The following FBXO43 variants were observed in gnomAD, a reference collection of about 807,000 sequenced individuals.
FBXO43 encodes the protein F-box protein 43, also known as F-box only protein 43.
Under a neutral mutation model 56.7 loss-of-function variants are expected in FBXO43, and 22 were observed. That is an observed-to-expected ratio of 0.39 (90% confidence interval 0.28 to 0.55). The LOEUF is 0.55. Among genes scored for constraint, FBXO43 ranks in the 20% least tolerant of loss-of-function variants. The probability of loss-of-function intolerance (pLI) is 0.66; values close to 1 mark genes in which losing one functional copy is unlikely to be tolerated. For synonymous variants in FBXO43, 306 were observed against 294.5 expected (o/e 1.04, Z -0.40); for missense variants, 733 against 814.9 (o/e 0.90, Z 1.22).
chr8:100,146,960 G>C (rs947132253), upstream of FBXO43, among the ~76,000 whole-genome samples: 1 of 152,168 alleles, frequency 6.6e-6, no homozygotes, highest in Non-Finnish European at 1.5e-5. Context: ...CGATTCTCCT[G>C]CCTCAGCCTC....
intron 2 of FBXO43, among the ~76,000 whole-genome samples, chr8:100,140,298 G>A (rs1329346587): frequency 2.0e-5 from 3 of 152,082 alleles, no homozygotes; most frequent in South Asian, 2.1e-4. Flanking sequence ...GTGAAACCCC[G>A]TCTCTACTAA....
At chr8:100,135,546 G>GA (rs1201844413) in intron 3 of FBXO43, among the ~76,000 whole-genome samples, 1 of 151,552 alleles carries the variant, frequency 6.6e-6, no homozygotes, top group Non-Finnish European at 1.5e-5. Flanking sequence ...AGAAAGGGGG[G>GA]AAAAGTACAG....
upstream of FBXO43, among the ~76,000 whole-genome samples, chr8:100,149,648 A>C (rs1814884502): frequency 6.6e-6 from 1 of 152,204 alleles, no homozygotes; most frequent in African/African-American, 2.4e-5. Context: ...GAGATGCAAC[A>C]GAAGGAGTTT....
chr8:100,148,388 A>T (rs1416775220), upstream of FBXO43, among the ~76,000 whole-genome samples: 1 of 152,084 alleles, frequency 6.6e-6, no homozygotes, highest in Non-Finnish European at 1.5e-5. Flanking sequence ...CTGTAATTTC[A>T]TATTCTTTAC....
chr8:100,141,075 C>T lies in FBXO43; in HGVS notation c.1179G>A (p.Gln393=), dbSNP rs1293807952. The T allele has an allele frequency of 6.2e-7, 1 of 1,614,098 alleles. No homozygotes were observed. The highest frequency in any genetic ancestry group is 8.5e-7 in the Non-Finnish European group (1 of 1,180,052). The part of the protein sequence containing the change: ...RLSTLREQSS[Q]SETEEEKQIV... ...TCTGCTTTTCCTCTTCTGTCTCTGA[C>T]TGCGAGCTTTGTTCCCGAAGGGTGG... The change falls in exon 2 of 5, where the codon CAG becomes CAA. Residue 393 remains glutamine (Q), a synonymous_variant. Transcript: ENST00000428847.
intron 3 of FBXO43, among the ~76,000 whole-genome samples, chr8:100,136,121 A>G (rs1814462739): frequency 6.6e-6 from 1 of 152,214 alleles, no homozygotes; most frequent in Non-Finnish European, 1.5e-5. Flanking sequence ...TGAAAAACAG[A>G]TGTTAAGAAG....
Position 100,141,170 on chromosome 8 carries a change from G to T in FBXO43, c.1084C>A (p.His362Asn), listed in dbSNP as rs1227288074. 1 of 1,614,008 alleles carries T rather than the reference G, an allele frequency of 6.2e-7. No homozygotes were observed. Among genetic ancestry groups the T allele is most frequent in the Non-Finnish European group, 8.5e-7 (1 of 1,180,046 alleles). The change falls in exon 2 of 5, where the codon CAT becomes AAT. Residue 362 changes from histidine to asparagine, a missense_variant. Transcript: ENST00000428847. ...EGSFQELLQK[H>N]KGTPKVGDTI... Reference sequence around the variant, plus strand: ...TCCCCAACTTTGGGAGTCCCCTTATGTTTCTGCAGTAGTTCTTGAAAAGAA... The same window carrying T: ...TCCCCAACTTTGGGAGTCCCCTTATTTTTCTGCAGTAGTTCTTGAAAAGAA...
Position 100,141,689 on chromosome 8 carries a change from T to C in FBXO43, c.565A>G (p.Asn189Asp), listed in dbSNP as rs1814658143. Residue 189 changes from asparagine (N) to aspartate (D), a missense_variant, in exon 2 of 5, where the codon AAT becomes GAT. Asn to Asp is a conservative substitution (Grantham distance 23). Coordinates refer to ENST00000428847, the MANE Select transcript of FBXO43 (RefSeq NM_001029860.4). The stretch of plus-strand genomic sequence containing the variant: ...AAACCTGAAGCACTGCTTGGAATAT[T>C]TTTTTCTAAGTTGATAACTTGGCTT... ...SISQVINLEK[N>D]IPSSASGFSR... is the part of the protein sequence containing the mutation. 1.9e-6 allele frequency: 3 copies of C among 1,611,568 alleles called. No homozygotes were observed. Among genetic ancestry groups the C allele is most frequent in the Non-Finnish European group, 2.5e-6 (3 of 1,178,086 alleles).
At chr8:100,144,432 C>T (rs1013280676) in intron 1 of FBXO43, among the ~76,000 whole-genome samples, 6 of 152,134 alleles carry the variant, frequency 3.9e-5, no homozygotes, top group Admixed American at 6.5e-5. Context: ...CTTTCTACTA[C>T]CCCAAGACGT....
chr8:100,135,644 A>C (rs938043930), intron 3 of FBXO43, among the ~76,000 whole-genome samples: 9 of 152,092 alleles, frequency 5.9e-5, no homozygotes, highest in Non-Finnish European at 1.2e-4. Flanking sequence ...TAACTCTGTC[A>C]TCCAGGCTGG....
upstream of FBXO43, among the ~76,000 whole-genome samples, chr8:100,147,001 C>G (rs1175121569): frequency 6.6e-6 from 1 of 152,220 alleles, no homozygotes; most frequent in East Asian, 1.9e-4. Context: ...GCACCCGCCA[C>G]CACGCCTAGC....
chr8:100,141,358 A>G lies in FBXO43; in HGVS notation c.896T>C (p.Phe299Ser), dbSNP rs1563754062. 9 of 1,613,560 alleles carry G rather than the reference A, an allele frequency of 5.6e-6. No homozygotes were observed. Among genetic ancestry groups the G allele is most frequent in the Non-Finnish European group, 7.6e-6 (9 of 1,180,030 alleles). Reference protein sequence around the residue: ...GTTCGTDEDIFVTPISNLVAN... With the variant: ...GTTCGTDEDISVTPISNLVAN... Reference sequence around the variant, plus strand: ...CACAAGATTACTTATCGGAGTCACAAATATGTCCTCATCTGTTCCACAAGT... The same window carrying G: ...CACAAGATTACTTATCGGAGTCACAGATATGTCCTCATCTGTTCCACAAGT... The change falls in exon 2 of 5, where the codon TTT (phenylalanine) becomes TCT (serine). Residue 299 changes from phenylalanine (F) to serine (S), a missense_variant. By Grantham distance (155) the Phe-to-Ser change is radical. Transcript: ENST00000428847.
chr8:100,135,504 A>T (rs773697436), intron 3 of FBXO43, among the ~76,000 whole-genome samples: 1 of 152,240 alleles, frequency 6.6e-6, no homozygotes, highest in African/African-American at 2.4e-5. Flanking sequence ...AAAAGATTTT[A>T]AAAAGCAAGT....
rs778704850 is a variant in FBXO43 at position 100,137,074 on chromosome 8, TGAGA to T, written c.1674+487_1674+490del. Reference sequence around the variant, plus strand: ...ATGTTCTTTTTTTTTTGTTTTGTTTTGAGAGAGAGTCTCGCTCTGTCGCCCAGGC... The same window carrying T: ...ATGTTCTTTTTTTTTTGTTTTGTTTTGAGAGTCTCGCTCTGTCGCCCAGGC... On this transcript the variant is annotated intron_variant, in intron 3 of 4. Transcript: ENST00000428847. 6 of 152,672 alleles carry T rather than the reference TGAGA, an allele frequency of 3.9e-5. No homozygotes were observed. The East Asian group carries it at 1.2e-3, about 29-fold the overall frequency. 9.5% of individuals were successfully genotyped at this position (152,672 alleles called of 1,614,324 possible). A position where few individuals can be genotyped will look rare whatever the true frequency, so the allele number is the denominator to read the frequency against.
rs1563753282 is a variant in FBXO43, at chr8:100,140,748, T to A, written c.1506A>T (p.Lys502Asn). The A allele has an allele frequency of 6.2e-7, 1 of 1,613,634 alleles. No individual in the cohort carries two copies. The part of the protein sequence containing the change: ...IEKLDILTEL[K>N]YRNLKHILAM... ...CAAGAATATGCTTTAAATTTCTATATTTTAATTCTGTTAAGATGTCCAGTT... is the reference window on the plus strand; with the variant it reads ...CAAGAATATGCTTTAAATTTCTATAATTTAATTCTGTTAAGATGTCCAGTT... Residue 502 changes from lysine to asparagine, a missense_variant, in exon 2 of 5, where the codon AAA becomes AAT. By Grantham distance (94) the Lys-to-Asn change is moderately conservative (BLOSUM62 0). Coordinates refer to ENST00000428847, the MANE Select transcript of FBXO43 (RefSeq NM_001029860.4).
intron 3 of FBXO43, among the ~76,000 whole-genome samples, chr8:100,136,349 T>C (rs967166149): frequency 6.6e-6 from 1 of 152,242 alleles, no homozygotes; most frequent in Non-Finnish European, 1.5e-5. Flanking sequence ...TTCCAATTAT[T>C]ATATTTAGTC....
upstream of FBXO43, among the ~76,000 whole-genome samples, chr8:100,148,102 A>G (rs1814863351): frequency 1.3e-5 from 2 of 152,194 alleles, no homozygotes; most frequent in Non-Finnish European, 1.5e-5. Flanking sequence ...CTCCATCCCA[A>G]TGTAAACAGG....
intron 1 of FBXO43, among the ~76,000 whole-genome samples, chr8:100,144,738 T>A (rs1046150395): frequency 1.3e-5 from 2 of 151,334 alleles, no homozygotes; most frequent in Non-Finnish European, 2.9e-5. Context: ...GAGACCAACC[T>A]GGCTAACACG....
At chr8:100,149,775 C>T (rs1157490727), upstream of FBXO43, among the ~76,000 whole-genome samples, 3 of 152,140 alleles carry the variant, frequency 2.0e-5, no homozygotes, top group African/African-American at 7.2e-5. Flanking sequence ...GGAGAAAGAA[C>T]GCCTACTTCT....
Sources: allele counts gnomAD v4.1 joint callset (sites outside exome capture counted in the v4.1 genomes callset), GRCh38; gene constraint gnomAD v4.1.1; transcripts MANE v1.5; gene names NCBI Gene and HGNC (gene_info 2026-07-23, HGNC 2026-07-21).